Variants in PRR36 observed in about 807,000 individuals in gnomAD.
The protein encoded by PRR36 is proline-rich protein 36.
In PRR36, 30 loss-of-function variants were observed where a neutral mutation model predicts 58.6. The ratio of observed to expected loss-of-function variants is 0.51; its 90% CI spans 0.38 to 0.69. The LOEUF (loss-of-function observed/expected upper bound fraction) is 0.69. Ranked by LOEUF, PRR36 falls within the 30% of genes least tolerant of loss-of-function variation. The pLI is 0.00. For synonymous variants in PRR36, 771 were observed against 829.3 expected, an observed-to-expected ratio of 0.93 and a Z score of 1.21; for missense variants, 1,692 against 1,805.6, an observed-to-expected ratio of 0.94 and a Z score of 1.14.
In PRR36 at chr19:7,868,879, C is replaced by G. The variant is rs889619649; in HGVS notation, c.*154G>C. 1 of 910,572 alleles carries G rather than the reference C, an allele frequency of 1.1e-6. No homozygotes were observed. Among genetic ancestry groups the G allele is most frequent in the African/African-American group, 1.7e-5 (1 of 57,262 alleles). The allele number at this position is 910,572 out of a possible 1,614,324, so 56.4% of individuals were successfully genotyped here. On this transcript the variant is annotated 3_prime_UTR_variant, in exon 6 of 6. Transcript: ENST00000618550. ...TCAAAGCTGTGGGTAGGTCCCGAGC[C>G]TCCGAGGCCAAAGGCTCAGGCTCTA...
Position 7,873,139 on chromosome 19 carries a change from T to C in PRR36, c.374+58A>G, listed in dbSNP as rs1331554966. 2 of 1,496,728 alleles carry C rather than the reference T, an allele frequency of 1.3e-6. No individual in the cohort carries two copies. Among genetic ancestry groups the C allele is most frequent in the Non-Finnish European group, 1.8e-6 (2 of 1,111,488 alleles). The allele number at this position is 1,496,728 out of a possible 1,614,324, so 92.7% of individuals were successfully genotyped here. On this transcript the variant is annotated intron_variant, in intron 3 of 5. Coordinates refer to ENST00000618550, the MANE Select transcript of PRR36 (RefSeq NM_001190467.2). This position sits in a 1 kb window ranked among gnomAD's most constrained non-coding sequence, Gnocchi z 5.0. ...CCCCAACTCGTGTAAAATAAAAGGT[T>C]CCAGACTCTGTGACGCTAACCCTGG...
Position 7,868,967 on chromosome 19 carries a change from C to T in PRR36, c.*66G>A, listed in dbSNP as rs952523329. The T allele has an allele frequency of 2.1e-6, 3 of 1,441,158 alleles. No homozygotes were observed. In the African/African-American group the frequency reaches 4.3e-5, roughly 21 times the overall value. The allele number at this position is 1,441,158 out of a possible 1,614,324, so 89.3% of individuals were successfully genotyped here. A position where few individuals can be genotyped will look rare whatever the true frequency, so the allele number is the denominator to read the frequency against. ...CAGTGGAGGCGGGGTCTAAAACAAA[C>T]GGCGTACCCGGAGGGGCGGATCCTA... On this transcript the variant is annotated 3_prime_UTR_variant, in exon 6 of 6. Transcript: ENST00000618550.
chr19:7,869,648 C>G, intron 5 of PRR36, 67 bp downstream of exon 5: 1 of 1,403,468 alleles, frequency 7.1e-7, no homozygotes, highest in African/African-American at 1.5e-5. Flanking sequence ...AGCTGTCCCG[C>G]CCCTGAGCTG....
chr19:7,869,257 C>T lies in PRR36; in HGVS notation c.3817G>A (p.Ala1273Thr). 3 of 1,472,784 alleles carry T rather than the reference C, an allele frequency of 2.0e-6. No homozygotes were observed. The highest frequency in any genetic ancestry group is 2.7e-5 in the East Asian group (1 of 36,812). 91.2% of individuals were successfully genotyped at this position (1,472,784 alleles called of 1,614,324 possible). The stretch of plus-strand genomic sequence containing the variant: ...GGGCCCCCGCCGCTGCCGCCCGCGG[C>T]ACCCTCGGCAGCCGCCAGCAGCAGC... ...RTLLLAAAEG[A>T]AGGSGGGPGG... Residue 1273 changes from alanine (A) to threonine (T), a missense_variant, in exon 6 of 6, where the codon GCC becomes ACC. Ala to Thr is a moderately conservative substitution (Grantham distance 58). This residue lies in a region of PRR36 where 485 missense variants were observed against 549.2 expected (regional missense o/e 0.88). Coordinates refer to ENST00000618550, the MANE Select transcript of PRR36 (RefSeq NM_001190467.2).
chr19:7,872,914 G>A lies in PRR36; in HGVS notation c.422C>T (p.Thr141Ile), dbSNP rs1333173006. Residue 141 changes from threonine (T) to isoleucine (I), a missense_variant, in exon 4 of 6, where the codon ACT becomes ATT. Thr to Ile is a moderately conservative substitution (Grantham distance 89). Transcript: ENST00000618550. The surrounding 1 kb of genome is among the most constrained non-coding windows in gnomAD (Gnocchi z 6.1). The stretch of plus-strand genomic sequence containing the variant: ...CTCTGTAGCTTTTCCTCTGGCCACA[G>A]TTTCCTCCGCTGAGATCCGGAGTCC... ...QKGLRISAEETVARGKATEAP... is the reference protein window; with the variant it reads ...QKGLRISAEEIVARGKATEAP... 2.6e-6 allele frequency: 4 copies of A among 1,536,072 alleles called. No individual in the cohort carries two copies. Among genetic ancestry groups the A allele is most frequent in the Non-Finnish European group, 3.5e-6 (4 of 1,146,872 alleles).
rs1347942660 is a variant in PRR36 at position 7,872,350 on chromosome 19, C to T, written c.894G>A (p.Pro298=). 3 of 1,451,444 alleles carry T rather than the reference C, an allele frequency of 2.1e-6. No homozygotes were observed. The highest frequency in any genetic ancestry group is 2.7e-5 in the Admixed American group (1 of 36,790). The allele number at this position is 1,451,444 out of a possible 1,614,324, so 89.9% of individuals were successfully genotyped here. A position where few individuals can be genotyped will look rare whatever the true frequency, so the allele number is the denominator to read the frequency against. Residue 298 remains proline, a synonymous_variant, in exon 5 of 6, where the codon CCG becomes CCA. Transcript: ENST00000618550. The surrounding 1 kb of genome is among the most constrained non-coding windows in gnomAD (Gnocchi z 6.1). ...GTGTGGCCAAAGGAGAGGAAGAAAGCGGTCCTAGTGCTGGGGCTGCGTCCT... is the reference window on the plus strand; with the variant it reads ...GTGTGGCCAAAGGAGAGGAAGAAAGTGGTCCTAGTGCTGGGGCTGCGTCCT... ...PRKDAAPALG[P]LSSSPLATPS...
chr19:7,870,365 G>T lies in PRR36; in HGVS notation c.2879C>A (p.Pro960Gln). Residue 960 changes from proline to glutamine, a missense_variant, in exon 5 of 6, where the codon CCA becomes CAA. By Grantham distance (76) the Pro-to-Gln change is moderately conservative (BLOSUM62 -1). Coordinates refer to ENST00000618550, the MANE Select transcript of PRR36 (RefSeq NM_001190467.2). The stretch of plus-strand genomic sequence containing the variant: ...TGGGGGAGAGGCAGGGGGAGAGGGT[G>T]GGACCTGCAGAGGAGGCGCAGCGAG... ...PPLAAPPLQV[P>Q]PSPPASPPMS... is the part of the protein sequence containing the mutation. 1.2e-6 allele frequency: 1 copy of T among 859,254 alleles called. No individual in the cohort carries two copies. The highest frequency in any genetic ancestry group is 1.4e-6 in the Non-Finnish European group (1 of 690,220). The allele number at this position is 859,254 out of a possible 1,614,324, so 53.2% of individuals were successfully genotyped here.
At position 7,873,147 on chromosome 19, in the gene PRR36, C is replaced by T; in HGVS notation, c.374+50G>A. ...CGTGTAAAATAAAAGGTTCCAGACT[C>T]TGTGACGCTAACCCTGGCTTAGGAG... On this transcript the variant is annotated intron_variant, in intron 3 of 5. Coordinates refer to ENST00000618550, the MANE Select transcript of PRR36 (RefSeq NM_001190467.2). This position sits in a 1 kb window ranked among gnomAD's most constrained non-coding sequence, Gnocchi z 5.0. 1 of 1,509,666 alleles carries T rather than the reference C, an allele frequency of 6.6e-7. No individual in the cohort carries two copies. Among genetic ancestry groups the T allele is most frequent in the South Asian group, 1.2e-5 (1 of 83,520 alleles). The allele number at this position is 1,509,666 out of a possible 1,614,324, so 93.5% of individuals were successfully genotyped here. A position where few individuals can be genotyped will look rare whatever the true frequency, so the allele number is the denominator to read the frequency against.
In PRR36 at chr19:7,871,216, G is replaced by C; in HGVS notation, c.2028C>G (p.Val676=). The change falls in exon 5 of 6, where the codon GTC becomes GTG. Residue 676 remains valine (V), a synonymous_variant. Transcript: ENST00000618550. ...PPLQTSLSPA[V]SPLSSPLTIH... The stretch of plus-strand genomic sequence containing the variant: ...TGGTCAGGGGTGAGCTTAGGGGTGA[G>C]ACAGCAGGAGAGAGAGAAGTCTGCA... 6.5e-7 allele frequency: 1 copy of C among 1,532,204 alleles called. No individual in the cohort carries two copies. Among genetic ancestry groups the C allele is most frequent in the East Asian group, 2.5e-5 (1 of 40,646 alleles). The allele number at this position is 1,532,204 out of a possible 1,614,324, so 94.9% of individuals were successfully genotyped here. A position where few individuals can be genotyped will look rare whatever the true frequency, so the allele number is the denominator to read the frequency against.
Position 7,872,153 on chromosome 19 carries a change from CAG to C in PRR36, c.1089_1090del (p.Cys364SerfsTer76). The C allele has an allele frequency of 1.4e-6, 2 of 1,464,510 alleles. No individual in the cohort carries two copies. The highest frequency in any genetic ancestry group is 2.7e-5 in the South Asian group (2 of 73,062). The allele number at this position is 1,464,510 out of a possible 1,614,324, so 90.7% of individuals were successfully genotyped here. On this transcript the variant is annotated frameshift_variant, in exon 5 of 6. Coordinates refer to ENST00000618550, the MANE Select transcript of PRR36 (RefSeq NM_001190467.2). LOFTEE classifies it high-confidence loss of function. This position sits in a 1 kb window ranked among gnomAD's most constrained non-coding sequence, Gnocchi z 6.1. ...TAGAGGAAGGGGCGTGGCCAACTGACAGGTAAGGCTCGACGAGTGGGGCGTGG... is the reference window on the plus strand; with the variant it reads ...TAGAGGAAGGGGCGTGGCCAACTGACGTAAGGCTCGACGAGTGGGGCGTGG...
chr19:7,869,847 GCTC>G lies in PRR36; in HGVS notation c.3394_3396del (p.Glu1132del). 1 of 1,348,858 alleles carries G rather than the reference GCTC, an allele frequency of 7.4e-7. No individual in the cohort carries two copies. The highest frequency in any genetic ancestry group is 9.5e-7 in the Non-Finnish European group (1 of 1,057,142). The allele number at this position is 1,348,858 out of a possible 1,614,324, so 83.6% of individuals were successfully genotyped here. A position where few individuals can be genotyped will look rare whatever the true frequency, so the allele number is the denominator to read the frequency against. ...TCGGGCCCGCTGTCGTAGCCACGCA[GCTC>G]CTCTGGCGTGCTCGTGGCGCTGCTG... On this transcript the variant is annotated inframe_deletion, in exon 5 of 6. Coordinates refer to ENST00000618550, the MANE Select transcript of PRR36 (RefSeq NM_001190467.2).
At position 7,872,180 on chromosome 19, in the gene PRR36, G is replaced by A; in HGVS notation, c.1064C>T (p.Ala355Val). Reference sequence around the variant, plus strand: ...GGTAAGGCTCGACGAGTGGGGCGTGGCCGGCAGGGTGGGCGGGGCCTGACT... The same window carrying A: ...GGTAAGGCTCGACGAGTGGGGCGTGACCGGCAGGGTGGGCGGGGCCTGACT... ...LQSQAPPTLP[A>V]TPHSSSLTCQ... The change falls in exon 5 of 6, where the codon GCC (alanine) becomes GTC (valine). Residue 355 changes from alanine to valine, a missense_variant. Ala to Val is a moderately conservative substitution (Grantham distance 64). Around this residue, in one of 5 missense-constraint regions of PRR36, gnomAD observed 975 missense variants for 955.2 expected, o/e 1.02. Transcript: ENST00000618550. The surrounding 1 kb of genome is among the most constrained non-coding windows in gnomAD (Gnocchi z 6.1). 6.8e-7 allele frequency: 1 copy of A among 1,470,704 alleles called. No individual in the cohort carries two copies. The highest frequency in any genetic ancestry group is 1.4e-5 in the African/African-American group (1 of 71,118). The allele number at this position is 1,470,704 out of a possible 1,614,324, so 91.1% of individuals were successfully genotyped here. A position where few individuals can be genotyped will look rare whatever the true frequency, so the allele number is the denominator to read the frequency against.
chr19:7,869,652 T>A (rs1389286933), intron 5 of PRR36, 63 bp downstream of exon 5: 2 of 1,397,302 alleles, frequency 1.4e-6, no homozygotes, highest in Non-Finnish European at 1.9e-6. Context: ...GTCCCGCCCC[T>A]GAGCTGCGAA....
chr19:7,871,078 C>T lies in PRR36; in HGVS notation c.2166G>A (p.Leu722=). ...TGGTCAGGGAAGCAGGAGGTGTCTG[C>T]AGAGAGGGTGGGGCTAGGGAAGATT... ...ETQSSLAPPS[L]QTPPASLTTP... is the part of the protein sequence containing the mutation. Residue 722 remains leucine (L), a synonymous_variant, in exon 5 of 6, where the codon CTG becomes CTA. Transcript: ENST00000618550. The T allele has an allele frequency of 5.3e-6, 8 of 1,523,506 alleles. No individual in the cohort carries two copies. Among genetic ancestry groups the T allele is most frequent in the Non-Finnish European group, 7.0e-6 (8 of 1,141,422 alleles). The allele number at this position is 1,523,506 out of a possible 1,614,324, so 94.4% of individuals were successfully genotyped here.
Position 7,869,279 on chromosome 19 carries a change from C to A in PRR36, c.3795G>T (p.Leu1265=), listed in dbSNP as rs1025560181. 1.7e-5 allele frequency: 25 copies of A among 1,456,944 alleles called. No homozygotes were observed. The East Asian group carries it at 6.9e-4, about 40-fold the overall frequency. The allele number at this position is 1,456,944 out of a possible 1,614,324, so 90.3% of individuals were successfully genotyped here. A position where few individuals can be genotyped will look rare whatever the true frequency, so the allele number is the denominator to read the frequency against. ...SVVQHLLSRT[L]LLAAAEGAAG... is the part of the protein sequence containing the mutation. ...CGGCACCCTCGGCAGCCGCCAGCAG[C>A]AGCGTCCGGCTCAGCAGGTGCTGCA... Residue 1265 remains leucine (L), a synonymous_variant, in exon 6 of 6, where the codon CTG becomes CTT. Coordinates refer to ENST00000618550, the MANE Select transcript of PRR36 (RefSeq NM_001190467.2).
rs775544418 is a variant in PRR36, at chr19:7,871,874, G to A, written c.1370C>T (p.Pro457Leu). Residue 457 changes from proline to leucine, a missense_variant, in exon 5 of 6, where the codon CCT becomes CTT. By Grantham distance (98) the Pro-to-Leu change is moderately conservative (BLOSUM62 -3). Around this residue, in one of 5 missense-constraint regions of PRR36, gnomAD observed 975 missense variants for 955.2 expected, o/e 1.02. Transcript: ENST00000618550. ...TTGTAGAGGAGACATGGCTGACAGA[G>A]GAGGTGTGGCCAAGGGAGAGAGGAG... ...PTLLSPLATP[P>L]LSAMSPLQGP... 6.4e-5 allele frequency: 99 copies of A among 1,535,920 alleles called. No individual in the cohort carries two copies. Among genetic ancestry groups the A allele is most frequent in the Non-Finnish European group, 8.4e-5 (96 of 1,146,894 alleles).
rs534691518 is a variant in PRR36, at chr19:7,873,889, C to T, written c.-7-193G>A. Among the ~76,000 whole-genome samples, 1 of 152,054 alleles carries T rather than the reference C, an allele frequency of 6.6e-6. No individual in the cohort carries two copies. Among genetic ancestry groups the T allele is most frequent in the African/African-American group, 2.4e-5 (1 of 41,430 alleles). ...CAGCCCCACTGCTCCTCGCTGTCCC[C>T]AAGTCCCACCCCCCACCGCTTTTCC... is the stretch of plus-strand genomic sequence containing the variant. On this transcript the variant is annotated intron_variant, in intron 1 of 5. Coordinates refer to ENST00000618550, the MANE Select transcript of PRR36 (RefSeq NM_001190467.2). This position sits in a 1 kb window ranked among gnomAD's most constrained non-coding sequence, Gnocchi z 5.0.
At position 7,868,971 on chromosome 19, in the gene PRR36, G is replaced by A; in HGVS notation, c.*62C>T. On this transcript the variant is annotated 3_prime_UTR_variant, in exon 6 of 6. Coordinates refer to ENST00000618550, the MANE Select transcript of PRR36 (RefSeq NM_001190467.2). ...GGAGGCGGGGTCTAAAACAAACGGCGTACCCGGAGGGGCGGATCCTAAGGC... is the reference window on the plus strand; with the variant it reads ...GGAGGCGGGGTCTAAAACAAACGGCATACCCGGAGGGGCGGATCCTAAGGC... The A allele has an allele frequency of 1.4e-6, 2 of 1,445,920 alleles. No homozygotes were observed. Among genetic ancestry groups the A allele is most frequent in the Non-Finnish European group, 1.8e-6 (2 of 1,098,988 alleles). 89.6% of individuals were successfully genotyped at this position (1,445,920 alleles called of 1,614,324 possible). A position where few individuals can be genotyped will look rare whatever the true frequency, so the allele number is the denominator to read the frequency against.
Position 7,869,740 on chromosome 19 carries a change from C to A in PRR36, c.3504G>T (p.Pro1168=). The change falls in exon 5 of 6, where the codon CCG becomes CCT. Residue 1168 remains proline, a synonymous_variant. Transcript: ENST00000618550. ...CTGGGGCTCCGCGGAAAGCCAGCGG[C>A]GGAGCGGGGCCTCGACTCCAGGCAG... ...HPAAWSRGPA[P]PLAFRGAPGA... is the part of the protein sequence containing the mutation. 7.4e-7 allele frequency: 1 copy of A among 1,345,812 alleles called. No individual in the cohort carries two copies. The allele number at this position is 1,345,812 out of a possible 1,614,324, so 83.4% of individuals were successfully genotyped here.
Sources: allele counts gnomAD v4.1 joint callset (sites outside exome capture counted in the v4.1 genomes callset), GRCh38; gene constraint gnomAD v4.1.1; regional missense constraint gnomAD v4.1.1; non-coding constraint Gnocchi (gnomAD v3.1); transcripts MANE v1.5; gene names NCBI Gene and HGNC (gene_info 2026-07-23, HGNC 2026-07-21).